CDH12: variants seen among roughly 807,000 people sequenced by gnomAD.
CDH12 encodes cadherin-12.
CDH12 carries 41 observed loss-of-function variants against 74.1 expected under a neutral mutation model. The ratio of observed to expected loss-of-function variants is 0.55; its 90% CI spans 0.43 to 0.72. CDH12 has a LOEUF of 0.72. Among genes scored for constraint, CDH12 ranks in the 30% least tolerant of loss-of-function variants. The probability of loss-of-function intolerance (pLI) is 0.00; values close to 1 mark genes in which losing one functional copy is unlikely to be tolerated. For missense variants in CDH12, 945 were observed against 977.2 expected, an observed-to-expected ratio of 0.97 and a Z score of 0.44; for synonymous variants, 399 against 355.0, an observed-to-expected ratio of 1.12 and a Z score of -1.39.
At chr5:22,525,390 C>A (rs991377606) in intron 1 of CDH12, among the ~76,000 whole-genome samples, 1 of 151,920 alleles carries the variant, frequency 6.6e-6, no homozygotes, top group Non-Finnish European at 1.5e-5. Context: ...ATAGTTAAAC[C>A]ATCTACATCA....
intron 1 of CDH12, among the ~76,000 whole-genome samples, chr5:22,760,254 T>C (rs1746136731): frequency 6.6e-6 from 1 of 152,182 alleles, no homozygotes; most frequent in African/African-American, 2.4e-5. Flanking sequence ...GACAATACAG[T>C]TTGTTGGTTA....
chr5:21,927,408 A>C (rs2150077488), intron 6 of CDH12, among the ~76,000 whole-genome samples: 1 of 139,098 alleles, frequency 7.2e-6, no homozygotes, highest in South Asian at 2.5e-4. Flanking sequence ...ACATGGTAAA[A>C]CCCTGTCTCT....
chr5:22,526,642 C>A (rs1737296380), intron 1 of CDH12, among the ~76,000 whole-genome samples: 1 of 152,116 alleles, frequency 6.6e-6, no homozygotes. Context: ...TGTCATTTTC[C>A]AAGATCCATC....
intron 1 of CDH12, among the ~76,000 whole-genome samples, chr5:22,613,136 G>A (rs1737497809): frequency 6.6e-6 from 1 of 152,012 alleles, no homozygotes; most frequent in African/African-American, 2.4e-5. Context: ...TCCAAGAGCA[G>A]ATTTTCCATT....
At chr5:22,226,603 A>G (rs545752133) in intron 3 of CDH12, among the ~76,000 whole-genome samples, 5 of 152,264 alleles carry the variant, frequency 3.3e-5, no homozygotes, top group Admixed American at 3.3e-4. Flanking sequence ...TCTGACTTCA[A>G]TATTTTGATA....
chr5:21,860,585 G>A (rs1750992432), intron 6 of CDH12, among the ~76,000 whole-genome samples: 1 of 152,030 alleles, frequency 6.6e-6, no homozygotes. Context: ...CTCAATCTGG[G>A]TGGGCACAAT....
intron 4 of CDH12, among the ~76,000 whole-genome samples, chr5:22,207,029 T>C (rs369851925): frequency 1.3e-5 from 2 of 150,714 alleles, no homozygotes; most frequent in South Asian, 2.1e-4. Context: ...CTGGCTAACA[T>C]GGTGAAACCC....
At chr5:21,855,707 C>T (rs889533056) in intron 6 of CDH12, among the ~76,000 whole-genome samples, 8 of 151,508 alleles carry the variant, frequency 5.3e-5, no homozygotes, top group African/African-American at 9.7e-5. Flanking sequence ...GTGAGCAGAA[C>T]TCCCTTAATC....
At chr5:22,150,392 T>C (rs1359407163) in intron 4 of CDH12, among the ~76,000 whole-genome samples, 1 of 152,042 alleles carries the variant, frequency 6.6e-6, no homozygotes, top group Non-Finnish European at 1.5e-5. Context: ...TATAATATCC[T>C]TATGGTTTTG....
At chr5:22,371,285 A>C (rs1741276154) in intron 3 of CDH12, among the ~76,000 whole-genome samples, 1 of 152,196 alleles carries the variant, frequency 6.6e-6, no homozygotes, top group African/African-American at 2.4e-5. Context: ...AAGATTGTCA[A>C]ATAAATGTAC....
At chr5:21,773,113 GATT>G (rs1579673512) in intron 11 of CDH12, among the ~76,000 whole-genome samples, 1 of 152,094 alleles carries the variant, frequency 6.6e-6, no homozygotes, top group African/African-American at 2.4e-5. Context: ...TGATGTTAAT[GATT>G]ATTATTTCCG....
chr5:21,998,370 C>T (rs1736417254), intron 5 of CDH12, among the ~76,000 whole-genome samples: 2 of 152,014 alleles, frequency 1.3e-5, no homozygotes, highest in Admixed American at 1.3e-4. Context: ...ATTTGCACTT[C>T]AGTGATAGTG....
intron 1 of CDH12, among the ~76,000 whole-genome samples, chr5:22,758,072 C>T (rs536039997): frequency 1.3e-5 from 2 of 152,092 alleles, no homozygotes; most frequent in Admixed American, 6.5e-5. Context: ...AGCACTATGG[C>T]GAGATAATTA....
intron 1 of CDH12, among the ~76,000 whole-genome samples, chr5:22,604,903 A>C (rs1049183158): frequency 1.3e-5 from 2 of 152,144 alleles, no homozygotes; most frequent in Non-Finnish European, 2.9e-5. Context: ...CCTAGAGGGC[A>C]CCCCTTCACC....
At chr5:22,123,214 C>T (rs1745627581) in intron 4 of CDH12, among the ~76,000 whole-genome samples, 1 of 152,114 alleles carries the variant, frequency 6.6e-6, no homozygotes, top group Non-Finnish European at 1.5e-5. Context: ...CTCCCTCATT[C>T]CTTCTGCTAT....
intron 1 of CDH12, among the ~76,000 whole-genome samples, chr5:22,838,541 T>C (rs1382635304): frequency 6.6e-6 from 1 of 152,128 alleles, no homozygotes; most frequent in East Asian, 1.9e-4. Context: ...GATTCACTGG[T>C]TAATTTTATT....
At chr5:22,835,474 A>G (rs1051637718) in intron 1 of CDH12, among the ~76,000 whole-genome samples, 1 of 152,178 alleles carries the variant, frequency 6.6e-6, no homozygotes, top group Non-Finnish European at 1.5e-5. Context: ...AGGAGTAAAA[A>G]ATAGAAGTAA....
At chr5:22,516,690 G>C (rs1404521572) in intron 1 of CDH12, among the ~76,000 whole-genome samples, 2 of 152,102 alleles carry the variant, frequency 1.3e-5, no homozygotes, top group Non-Finnish European at 2.9e-5. Flanking sequence ...AGCTACTAGC[G>C]AGACTGGAGT....
At chr5:21,995,730 C>T (rs1736249758) in intron 5 of CDH12, among the ~76,000 whole-genome samples, 1 of 151,704 alleles carries the variant, frequency 6.6e-6, no homozygotes, top group Non-Finnish European at 1.5e-5. Context: ...CTACTCCAAG[C>T]TAACCTCTCT....
Sources: gnomAD v4.1 joint callset for allele counts (sites outside exome capture counted in the v4.1 genomes callset) on GRCh38, gnomAD v4.1.1 for gene constraint, MANE v1.5 for transcripts, NCBI Gene and HGNC (gene_info 2026-07-23, HGNC 2026-07-21) for gene names.